Variants in CDC14A observed in about 807,000 individuals in gnomAD.
The protein encoded by CDC14A is cell division cycle 14A.
CDC14A carries 53 observed loss-of-function variants against 74.4 expected under a neutral mutation model. The ratio of observed to expected loss-of-function variants is 0.71; its 90% CI spans 0.57 to 0.89. CDC14A has a LOEUF of 0.89. Ranked by LOEUF, CDC14A falls within the 40% of genes least tolerant of loss-of-function variation. The pLI is 0.00. For missense variants in CDC14A, 646 were observed against 713.7 expected, an observed-to-expected ratio of 0.91 and a Z score of 1.08; for synonymous variants, 247 against 258.4, an observed-to-expected ratio of 0.96 and a Z score of 0.43.
intron 10 of CDC14A, among the ~76,000 whole-genome samples, chr1:100,474,389 A>G (rs603552): frequency 0.85 from 129,462 of 152,176 alleles, 58,597 homozygotes; most frequent in Non-Finnish European, 1. Context: ...TTCCTGGAAG[A>G]GATTGTGAGA....
upstream of CDC14A, chr1:100,351,688 A>C: frequency 6.7e-7 from 1 of 1,481,878 alleles, no homozygotes; most frequent in Non-Finnish European, 9.2e-7. Context: ...GGAGCACTGT[A>C]AAGATTAGGC....
At chr1:100,423,946 T>C in intron 4 of CDC14A, 1 of 362,228 alleles carries the variant, frequency 2.8e-6, no homozygotes, top group Non-Finnish European at 5.3e-6. Context: ...CAACTGTCGC[T>C]GCCATTGTGT....
intron 10 of CDC14A, among the ~76,000 whole-genome samples, chr1:100,484,066 A>ACT (rs1669790351): frequency 6.6e-6 from 1 of 152,182 alleles, no homozygotes; most frequent in Non-Finnish European, 1.5e-5. Context: ...TATATAGACA[A>ACT]ATATTGGAGG....
intron 4 of CDC14A, among the ~76,000 whole-genome samples, chr1:100,417,071 C>T (rs2101057920): frequency 6.6e-6 from 1 of 152,226 alleles, no homozygotes; most frequent in South Asian, 2.1e-4. Context: ...GAGACAGGCT[C>T]AATCAAATAA....
chr1:100,469,983 A>T (rs1365662148), intron 10 of CDC14A, among the ~76,000 whole-genome samples: 1 of 152,234 alleles, frequency 6.6e-6, no homozygotes, highest in Non-Finnish European at 1.5e-5. Flanking sequence ...AAACTCAAGA[A>T]AACAACTTAA....
chr1:100,416,689 A>G (rs559901783), intron 4 of CDC14A, among the ~76,000 whole-genome samples: 47 of 152,286 alleles, frequency 3.1e-4, no homozygotes, highest in Admixed American at 3.3e-4. Context: ...GAAAAAAAAC[A>G]TTTTGGGACC....
chr1:100,391,698 C>T (rs1657726518), intron 4 of CDC14A, among the ~76,000 whole-genome samples: 1 of 152,194 alleles, frequency 6.6e-6, no homozygotes, highest in Non-Finnish European at 1.5e-5. Flanking sequence ...GGGAAGAGGG[C>T]ACCAGCTACT....
In CDC14A at chr1:100,402,486, A is replaced by G. The variant is rs183653007; in HGVS notation, c.309+11662A>G. On this transcript the variant is annotated intron_variant, in intron 4 of 15. Coordinates refer to ENST00000336454, the MANE Select transcript of CDC14A (RefSeq NM_003672.4). ...TAATTGCAGCATGGTAAAATTTGAT[A>G]TTGAATGTATTTGATTGTGTTTACT... Among the ~76,000 whole-genome samples, 4 of 152,284 alleles carry G rather than the reference A, an allele frequency of 2.6e-5. No individual in the cohort carries two copies. In the East Asian group the frequency reaches 7.7e-4, roughly 29 times the overall value.
At chr1:100,469,740 A>G (rs1308422577) in intron 10 of CDC14A, among the ~76,000 whole-genome samples, 1 of 152,152 alleles carries the variant, frequency 6.6e-6, no homozygotes, top group Non-Finnish European at 1.5e-5. Flanking sequence ...AGGTGAGGAG[A>G]TATAGCAGAG....
intron 10 of CDC14A, among the ~76,000 whole-genome samples, chr1:100,479,490 G>C (rs1310059678): frequency 6.6e-6 from 1 of 152,120 alleles, no homozygotes; most frequent in Non-Finnish European, 1.5e-5. Flanking sequence ...TTGCATACCT[G>C]TACCATTTCC....
intron 8 of CDC14A, among the ~76,000 whole-genome samples, chr1:100,461,700 C>G (rs1409612298): frequency 6.6e-6 from 1 of 152,164 alleles, no homozygotes; most frequent in Non-Finnish European, 1.5e-5. Context: ...GGAATACTCA[C>G]ATGATGGTGG....
chr1:100,374,825 TA>T (rs1655010052), intron 2 of CDC14A, among the ~76,000 whole-genome samples: 1 of 152,240 alleles, frequency 6.6e-6, no homozygotes, highest in Non-Finnish European at 1.5e-5. Flanking sequence ...TGGTATTTAG[TA>T]AATTTGTGGT....
rs750068985 is a variant in CDC14A, at chr1:100,390,734, A to G, written c.219A>G (p.Ser73=). ...YCCKLNKKLK[S]YSLSRKKIVH... ...CTCTTTTTATCTCCTCTTTCTAGTC[A>G]TACAGTTTGTCAAGAAAGAAAATAG... is the stretch of plus-strand genomic sequence containing the variant. Residue 73 remains serine (S), a splice_region_variant and synonymous_variant, in exon 4 of 16, where the codon TCA becomes TCG. Transcript: ENST00000336454. The G allele has an allele frequency of 6.2e-7, 1 of 1,603,212 alleles. No individual in the cohort carries two copies. Among genetic ancestry groups the G allele is most frequent in the Non-Finnish European group, 8.5e-7 (1 of 1,170,726 alleles).
intron 5 of CDC14A, among the ~76,000 whole-genome samples, chr1:100,429,696 ATATATATCAAGTATATTTATATATATAT>A (rs1663407270): frequency 6.9e-6 from 1 of 144,160 alleles, no homozygotes; most frequent in African/African-American, 2.5e-5. Context: ...AAATATATAT[ATATATATCAAGTATATTTATATATATAT>A]TATATATATA....
intron 3 of CDC14A, 152 bp downstream of exon 3, chr1:100,377,773 C>T: frequency 1.7e-6 from 1 of 587,464 alleles, no homozygotes; most frequent in Non-Finnish European, 3.0e-6. Context: ...GAAAGTGATC[C>T]TCCTGATTAT....
chr1:100,405,194 G>GCT (rs1659784447), intron 4 of CDC14A, among the ~76,000 whole-genome samples: 1 of 152,030 alleles, frequency 6.6e-6, no homozygotes, highest in South Asian at 2.1e-4. Context: ...CTGCCTCCCA[G>GCT]CTCTTCACTG....
At chr1:100,495,094 G>A (rs1012843744) in intron 12 of CDC14A, among the ~76,000 whole-genome samples, 164 bp downstream of exon 12, 3 of 152,188 alleles carry the variant, frequency 2.0e-5, no homozygotes, top group African/African-American at 4.8e-5. Flanking sequence ...GTTGGGAGTA[G>A]CTAAAGTTTA....
chr1:100,471,225 G>A (rs1668365565), intron 10 of CDC14A, among the ~76,000 whole-genome samples: 1 of 152,042 alleles, frequency 6.6e-6, no homozygotes, highest in African/African-American at 2.4e-5. Context: ...ACCATTCTGT[G>A]GTGATAGAAA....
chr1:100,484,632 A>G, intron 11 of CDC14A, 181 bp downstream of exon 11: 1 of 1,196,310 alleles, frequency 8.4e-7, no homozygotes, highest in Non-Finnish European at 1.0e-6. Flanking sequence ...GCCCTTAAAA[A>G]AAAAAAAGCT....
Sources: allele counts gnomAD v4.1 joint callset (sites outside exome capture counted in the v4.1 genomes callset), GRCh38; gene constraint gnomAD v4.1.1; transcripts MANE v1.5; gene names NCBI Gene and HGNC (gene_info 2026-07-23, HGNC 2026-07-21).